The following DSCAML1 variants were observed in gnomAD, a reference collection of about 807,000 sequenced individuals.
The protein encoded by DSCAML1 is cell adhesion molecule DSCAML1.
A neutral mutation model predicts 200.5 loss-of-function variants in DSCAML1; 38 were observed. The observed-to-expected ratio is 0.19, with a 90% CI of 0.15 to 0.25. DSCAML1 has a LOEUF of 0.25. Ranked by LOEUF, DSCAML1 falls within the 10% of genes least tolerant of loss-of-function variation. DSCAML1 has a pLI of 1.00. For synonymous variants in DSCAML1, 1,215 were observed against 1,165.0 expected (o/e 1.04, Z -0.87); for missense variants, 2,223 against 2,858.8 (o/e 0.78, Z 5.07).
chr11:117,734,052 T>C (rs2054275101), intron 3 of DSCAML1, among the ~76,000 whole-genome samples: 1 of 151,854 alleles, frequency 6.6e-6, no homozygotes. Flanking sequence ...ATCTTGTCTT[T>C]TGGGGGAGCA....
At chr11:117,772,303 G>T (rs898308461) in intron 3 of DSCAML1, among the ~76,000 whole-genome samples, 3 of 152,158 alleles carry the variant, frequency 2.0e-5, no homozygotes, top group Non-Finnish European at 4.4e-5. Flanking sequence ...AGCACTGCCT[G>T]ATAGGAATCC....
At chr11:117,769,575 T>A (rs1290266489) in intron 3 of DSCAML1, among the ~76,000 whole-genome samples, 2 of 127,608 alleles carry the variant, frequency 1.6e-5, no homozygotes, top group Non-Finnish European at 3.1e-5. Context: ...ATATATTATA[T>A]ATTTTTTATA....
chr11:117,634,118 C>A (rs1041998557), intron 3 of DSCAML1, among the ~76,000 whole-genome samples: 1 of 152,182 alleles, frequency 6.6e-6, no homozygotes, highest in African/African-American at 2.4e-5. Context: ...AGGCTCCCGA[C>A]CCAGGGCAGA....
intron 8 of DSCAML1, among the ~76,000 whole-genome samples, chr11:117,515,656 T>G (rs922503861): frequency 1.5e-5 from 2 of 137,314 alleles, no homozygotes; most frequent in African/African-American, 5.7e-5. Flanking sequence ...TTTCAACTCT[T>G]GTTGCCCAGG....
At position 117,521,531 on chromosome 11, in the gene DSCAML1, AC is replaced by A. The variant is rs570653642; in HGVS notation, c.938-127del. On this transcript the variant is annotated intron_variant, in intron 5 of 32. Coordinates refer to ENST00000651296, the MANE Select transcript of DSCAML1 (RefSeq NM_020693.4). The stretch of plus-strand genomic sequence containing the variant: ...CAAAAGGCCCAGGTTCTGCCTCCAG[AC>A]CCCTTGTGTGGACTGGGACTGGGGA... 1.3e-4 allele frequency: 126 copies of A among 969,684 alleles called. 2 individuals carry two copies. The Middle Eastern group carries it at 1.4e-3, about 11-fold the overall frequency. 60.1% of individuals were successfully genotyped at this position (969,684 alleles called of 1,614,324 possible).
intron 14 of DSCAML1, among the ~76,000 whole-genome samples, chr11:117,473,718 C>T (rs374110371): frequency 3.9e-5 from 6 of 152,286 alleles, no homozygotes; most frequent in African/African-American, 1.4e-4. Flanking sequence ...TTTGGTTTCA[C>T]GAGCCAGAGA....
intron 3 of DSCAML1, among the ~76,000 whole-genome samples, chr11:117,620,600 C>A (rs899986125): frequency 6.6e-6 from 1 of 152,204 alleles, no homozygotes; most frequent in African/African-American, 2.4e-5. Context: ...CCTTCTCCTG[C>A]GGCTGTCCTC....
intron 3 of DSCAML1, among the ~76,000 whole-genome samples, chr11:117,545,924 A>G (rs770062731): frequency 1.3e-5 from 2 of 152,204 alleles, no homozygotes; most frequent in Non-Finnish European, 2.9e-5. Flanking sequence ...CTCCTGGCCC[A>G]TTGCTGTTTG....
chr11:117,486,560 C>T (rs983549250), intron 11 of DSCAML1, among the ~76,000 whole-genome samples: 4 of 152,232 alleles, frequency 2.6e-5, no homozygotes, highest in Non-Finnish European at 2.9e-5. Context: ...GATGTATATC[C>T]TTCCATGGGA....
chr11:117,590,092 C>T (rs543993171), intron 3 of DSCAML1, among the ~76,000 whole-genome samples: 6 of 152,164 alleles, frequency 3.9e-5, no homozygotes, highest in Non-Finnish European at 8.8e-5. Flanking sequence ...CTTAAATCAC[C>T]AAACTTTTTT....
intron 3 of DSCAML1, among the ~76,000 whole-genome samples, chr11:117,643,227 C>A (rs112332914): frequency 6.6e-6 from 1 of 152,162 alleles, no homozygotes; most frequent in African/African-American, 2.4e-5. Context: ...GTGGGACAAG[C>A]AGAAAATATA....
chr11:117,694,846 G>T (rs776893270), intron 3 of DSCAML1, among the ~76,000 whole-genome samples: 38 of 152,234 alleles, frequency 2.5e-4, no homozygotes, highest in Admixed American at 6.5e-5. Context: ...CTTGTGAATA[G>T]TTAATATGAA....
At chr11:117,607,009 G>A (rs77949322) in intron 3 of DSCAML1, among the ~76,000 whole-genome samples, 2,313 of 152,314 alleles carry the variant, frequency 0.015, 53 homozygotes, top group African/African-American at 0.052. Context: ...CCCTGCCCTT[G>A]GGAGACTCAC....
rs1336375554 is a variant in DSCAML1 at position 117,733,062 on chromosome 11, CA to C, written c.511+43728del. 7.2e-5 allele frequency among the ~76,000 whole-genome samples: 11 copies of C among 152,104 alleles called. No individual in the cohort carries two copies. The East Asian group carries it at 1.9e-3, about 27-fold the overall frequency. ...ATTTATTTTTAAATAGGAATATCAT[CA>C]GGGGTGAACTGGCAGGAGAGGAGGA... On this transcript the variant is annotated intron_variant, in intron 3 of 32. Transcript: ENST00000651296.
intron 3 of DSCAML1, among the ~76,000 whole-genome samples, chr11:117,700,909 G>A (rs2053656069): frequency 6.6e-6 from 1 of 152,240 alleles, no homozygotes; most frequent in African/African-American, 2.4e-5. Flanking sequence ...CTTAAACAAA[G>A]CATTTCAGGT....
chr11:117,784,002 G>C (rs999642556), intron 1 of DSCAML1, among the ~76,000 whole-genome samples: 1 of 152,140 alleles, frequency 6.6e-6, no homozygotes, highest in Non-Finnish European at 1.5e-5. Context: ...GATCTTGCTG[G>C]AGCCAAGGAC....
In DSCAML1 at chr11:117,480,391, G is replaced by T; in HGVS notation, c.2785+52C>A. The T allele has an allele frequency of 6.2e-7, 1 of 1,606,518 alleles. No individual in the cohort carries two copies. The highest frequency in any genetic ancestry group is 8.5e-7 in the Non-Finnish European group (1 of 1,176,444). On this transcript the variant is annotated intron_variant, in intron 14 of 32. Transcript: ENST00000651296. This position sits in a 1 kb window ranked among gnomAD's most constrained non-coding sequence, Gnocchi z 4.1. The stretch of plus-strand genomic sequence containing the variant: ...CCAGAGGGCACAGGCAGGACACGTG[G>T]CACAAGGGGCCATGGCAGGCCACGC...
intron 3 of DSCAML1, among the ~76,000 whole-genome samples, chr11:117,739,333 G>C (rs2054380011): frequency 6.6e-6 from 1 of 152,166 alleles, no homozygotes; most frequent in East Asian, 1.9e-4. Flanking sequence ...CAAATTCTTG[G>C]ACTCCATCTC....
At chr11:117,486,911 CTTTTTTT>C (rs56805170) in intron 11 of DSCAML1, among the ~76,000 whole-genome samples, 10 of 79,620 alleles carry the variant, frequency 1.3e-4, no homozygotes, top group East Asian at 8.4e-4. Flanking sequence ...TGTAAAATAC[CTTTTTTT>C]TTTTTTTTTT....
Sources: gnomAD v4.1 joint callset for allele counts (sites outside exome capture counted in the v4.1 genomes callset) on GRCh38, gnomAD v4.1.1 for gene constraint, Gnocchi (gnomAD v3.1) non-coding constraint, MANE v1.5 for transcripts, NCBI Gene and HGNC (gene_info 2026-07-23, HGNC 2026-07-21) for gene names.